SULF1: variants seen among roughly 807,000 people sequenced by gnomAD.
SULF1 encodes the protein sulfatase 1.
A neutral mutation model predicts 110.5 loss-of-function variants in SULF1; 46 were observed. The ratio of observed to expected loss-of-function variants is 0.42; its 90% CI spans 0.33 to 0.53. SULF1 has a LOEUF of 0.53. SULF1 is among the 20% of genes least tolerant of loss of function. The pLI is 0.12. For missense variants in SULF1, 941 were observed against 1,094.2 expected (o/e 0.86, Z 1.98); for synonymous variants, 371 against 387.1 (o/e 0.96, Z 0.49).
chr8:69,502,501 T>C (rs1446999577), intron 3 of SULF1, among the ~76,000 whole-genome samples: 1 of 152,188 alleles, frequency 6.6e-6, no homozygotes, highest in African/African-American at 2.4e-5. Context: ...AAAACATTTC[T>C]AGGGTTTGGG....
At chr8:69,487,546 A>G (rs1809759440) in intron 1 of SULF1, among the ~76,000 whole-genome samples, 1 of 152,238 alleles carries the variant, frequency 6.6e-6, no homozygotes, top group African/African-American at 2.4e-5. Context: ...AAGACCTTCC[A>G]GACAGAATCT....
intron 3 of SULF1, among the ~76,000 whole-genome samples, chr8:69,542,231 T>C (rs1437917712): frequency 6.6e-6 from 1 of 152,074 alleles, no homozygotes; most frequent in Non-Finnish European, 1.5e-5. Flanking sequence ...CTGAAGAATA[T>C]TGGGGAGGGC....
At chr8:69,549,757 C>T (rs1186139532) in intron 3 of SULF1, among the ~76,000 whole-genome samples, 1 of 152,138 alleles carries the variant, frequency 6.6e-6, no homozygotes, top group Non-Finnish European at 1.5e-5. Flanking sequence ...TCACCTTCTG[C>T]CTTGTCACCA....
At chr8:69,531,979 A>C (rs1245715928) in intron 3 of SULF1, among the ~76,000 whole-genome samples, 1 of 152,180 alleles carries the variant, frequency 6.6e-6, no homozygotes, top group African/African-American at 2.4e-5. Context: ...CTTCAGCAGA[A>C]GCCCTGAGGC....
intron 13 of SULF1, among the ~76,000 whole-genome samples, chr8:69,605,277 G>A (rs938503338): frequency 6.6e-6 from 1 of 152,168 alleles, no homozygotes; most frequent in Non-Finnish European, 1.5e-5. Context: ...CAAAGCACAG[G>A]TACGTGCTGA....
intron 3 of SULF1, among the ~76,000 whole-genome samples, chr8:69,524,275 G>A (rs1314473350): frequency 3.9e-5 from 6 of 152,056 alleles, no homozygotes; most frequent in Non-Finnish European, 8.8e-5. Context: ...CTGAGGCTGG[G>A]TAAGTTATAA....
At chr8:69,621,354 A>G in intron 14 of SULF1, 103 bp downstream of exon 14, 3 of 745,694 alleles carry the variant, frequency 4.0e-6, no homozygotes, top group East Asian at 2.7e-5. Flanking sequence ...GATATTATCA[A>G]TGCATCATTT....
chr8:69,602,385 C>T (rs1184971264), intron 10 of SULF1, among the ~76,000 whole-genome samples: 1 of 152,180 alleles, frequency 6.6e-6, no homozygotes, highest in Non-Finnish European at 1.5e-5. Flanking sequence ...CATAAAATGG[C>T]CTTGTCAATC....
intron 22 of SULF1, among the ~76,000 whole-genome samples, chr8:69,642,049 C>T (rs929592213): frequency 3.3e-5 from 5 of 152,256 alleles, no homozygotes; most frequent in South Asian, 2.1e-4. Context: ...GAGGCACAGA[C>T]GTTACCAGTA....
intron 8 of SULF1, among the ~76,000 whole-genome samples, chr8:69,594,241 G>A (rs965058887): frequency 6.6e-6 from 1 of 152,114 alleles, no homozygotes; most frequent in Non-Finnish European, 1.5e-5. Flanking sequence ...AGTGGAAACG[G>A]GTTTTCTCCA....
At chr8:69,549,527 G>A (rs758189871) in intron 3 of SULF1, among the ~76,000 whole-genome samples, 1 of 150,164 alleles carries the variant, frequency 6.7e-6, no homozygotes, top group Non-Finnish European at 1.5e-5. Flanking sequence ...AAGCCAGGAT[G>A]CCTGGCCTCA....
chr8:69,543,643 T>C (rs1212024822), intron 3 of SULF1, among the ~76,000 whole-genome samples: 1 of 152,228 alleles, frequency 6.6e-6, no homozygotes, highest in Non-Finnish European at 1.5e-5. Context: ...TTTGGGTTGA[T>C]TCCATGTCTT....
At chr8:69,537,000 A>G (rs1813467237) in intron 3 of SULF1, among the ~76,000 whole-genome samples, 3 of 152,124 alleles carry the variant, frequency 2.0e-5, no homozygotes, top group Admixed American at 6.5e-5. Flanking sequence ...TACTATGATG[A>G]CTTCAGCTAA....
rs139309857 is a variant in SULF1, at chr8:69,486,393, C to T, written c.-390-9372C>T. Among the ~76,000 whole-genome samples, 522 of 151,318 alleles carry T rather than the reference C, an allele frequency of 3.4e-3. 5 individuals carry two copies. The highest frequency in any genetic ancestry group is 0.012 in the African/African-American group (494 of 41,076). ...GTCAGTTTGTCTCCAAAAATTCATG[C>T]GTTTTCTCAAAAGAAAGTTCTATAT... On this transcript the variant is annotated intron_variant, in intron 1 of 22. Transcript: ENST00000260128.
chr8:69,596,740 C>G (rs1807368731), intron 8 of SULF1, among the ~76,000 whole-genome samples: 1 of 152,136 alleles, frequency 6.6e-6, no homozygotes, highest in East Asian at 1.9e-4. Flanking sequence ...CACTTTACTT[C>G]CTCATTTGTA....
chr8:69,656,702 T>C (rs1217870508), intron 22 of SULF1, among the ~76,000 whole-genome samples: 1 of 152,232 alleles, frequency 6.6e-6, no homozygotes, highest in Non-Finnish European at 1.5e-5. Context: ...TGTACCACAT[T>C]TTCTTTATCC....
At chr8:69,488,141 G>T (rs1228878782), upstream of SULF1, among the ~76,000 whole-genome samples, 1 of 152,160 alleles carries the variant, frequency 6.6e-6, no homozygotes, top group Non-Finnish European at 1.5e-5. Flanking sequence ...TCATGAATAG[G>T]AGAAGAAATA....
At chr8:69,491,695 T>C (rs1169811320), upstream of SULF1, among the ~76,000 whole-genome samples, 2 of 152,232 alleles carry the variant, frequency 1.3e-5, no homozygotes, top group African/African-American at 4.8e-5. Context: ...CTCTCACCTA[T>C]GCCCATATAG....
chr8:69,513,190 G>T (rs1811694632), intron 3 of SULF1, among the ~76,000 whole-genome samples: 1 of 152,176 alleles, frequency 6.6e-6, no homozygotes, highest in Non-Finnish European at 1.5e-5. Flanking sequence ...ACTGAGCTTT[G>T]TGAACTGCCA....
Sources: gnomAD v4.1 joint callset for allele counts (sites outside exome capture counted in the v4.1 genomes callset) on GRCh38, gnomAD v4.1.1 for gene constraint, MANE v1.5 for transcripts, NCBI Gene and HGNC (gene_info 2026-07-23, HGNC 2026-07-21) for gene names.